PPARA: variants seen among roughly 807,000 people sequenced by gnomAD.
PPARA encodes the protein peroxisome proliferator-activated receptor alpha.
PPARA carries 22 observed loss-of-function variants against 42.2 expected under a neutral mutation model. The ratio of observed to expected loss-of-function variants is 0.52; its 90% CI spans 0.37 to 0.74. PPARA has a LOEUF of 0.74. Among genes scored for constraint, PPARA ranks in the 30% least tolerant of loss-of-function variants. The probability of loss-of-function intolerance (pLI) is 0.00; values close to 1 mark genes in which losing one functional copy is unlikely to be tolerated. For synonymous variants in PPARA, 242 were observed against 239.3 expected, an observed-to-expected ratio of 1.01 and a Z score of -0.10; for missense variants, 465 against 608.2, an observed-to-expected ratio of 0.76 and a Z score of 2.48.
In PPARA at chr22:46,232,812, CA is replaced by C. The variant is rs557070880; in HGVS notation, c.1159+584del. On this transcript the variant is annotated intron_variant, in intron 8 of 8. Coordinates refer to ENST00000407236, the MANE Select transcript of PPARA (RefSeq NM_005036.6). The surrounding 1 kb of genome is among the most constrained non-coding windows in gnomAD (Gnocchi z 5.3). ...GCAACATGGCAAGACCCCGTCTCTA[CA>C]AAAAAAAAAATAGAAAAAATTAGTC... 5.0e-4 allele frequency among the ~76,000 whole-genome samples: 68 copies of C among 136,858 alleles called. No homozygotes were observed. Among genetic ancestry groups the C allele is most frequent in the African/African-American group, 5.1e-4 (19 of 37,312 alleles). The allele number at this position is 136,858 out of a possible 152,430, so 89.8% of individuals were successfully genotyped here.
At chr22:46,215,425 G>A in intron 5 of PPARA, 92 bp downstream of exon 5, 2 of 1,540,980 alleles carry the variant, frequency 1.3e-6, no homozygotes, top group Non-Finnish European at 1.8e-6. Flanking sequence ...CTGAGAGATT[G>A]CAGAAAGTCC....
intron 4 of PPARA, among the ~76,000 whole-genome samples, chr22:46,209,372 A>G (rs1601754478): frequency 6.6e-6 from 1 of 152,238 alleles, no homozygotes; most frequent in East Asian, 1.9e-4. Context: ...GTTTTCATCA[A>G]ATTCAGAAGA....
rs1359297965 is a variant in PPARA, at chr22:46,182,157, A to T, written c.-43+5321A>T. On this transcript the variant is annotated intron_variant, in intron 3 of 8. Transcript: ENST00000407236. The surrounding 1 kb of genome is among the most constrained non-coding windows in gnomAD (Gnocchi z 5.2). The stretch of plus-strand genomic sequence containing the variant: ...CACCATGCCCAGCCAGCAGTTTCTT[A>T]TAAAGTTAAACCAATGCCTACCATG... Among the ~76,000 whole-genome samples the T allele has an allele frequency of 6.6e-6, 1 of 152,176 alleles. No homozygotes were observed. The highest frequency in any genetic ancestry group is 2.4e-5 in the African/African-American group (1 of 41,440).
intron 2 of PPARA, among the ~76,000 whole-genome samples, chr22:46,174,127 G>A (rs888998610): frequency 6.0e-5 from 9 of 151,178 alleles, no homozygotes; most frequent in Admixed American, 2.0e-4. Context: ...ACAGTGAGCC[G>A]AGATTGCACC....
intron 7 of PPARA, among the ~76,000 whole-genome samples, chr22:46,228,324 C>T (rs1222516705): frequency 1.3e-5 from 2 of 152,076 alleles, no homozygotes; most frequent in Non-Finnish European, 2.9e-5. Flanking sequence ...CACCTGAGGT[C>T]GGGAGTTTGA....
chr22:46,192,124 A>G lies in PPARA; in HGVS notation c.-42-6218A>G, dbSNP rs1931649340. 1.3e-5 allele frequency among the ~76,000 whole-genome samples: 2 copies of G among 152,224 alleles called. No individual in the cohort carries two copies. The highest frequency in any genetic ancestry group is 4.8e-5 in the African/African-American group (2 of 41,468). ...CCTGCTACACAGCAGGGATTGTGCTAGAAGTATGGATGCAAAGATTAGGTG... is the reference window on the plus strand; with the variant it reads ...CCTGCTACACAGCAGGGATTGTGCTGGAAGTATGGATGCAAAGATTAGGTG... On this transcript the variant is annotated intron_variant, in intron 3 of 8. Transcript: ENST00000407236. The surrounding 1 kb of genome is among the most constrained non-coding windows in gnomAD (Gnocchi z 4.3).
rs1176876021 is a variant in PPARA, at chr22:46,195,245, CAGTT to C, written c.-42-3089_-42-3086del. On this transcript the variant is annotated intron_variant, in intron 3 of 8. Transcript: ENST00000407236. The surrounding 1 kb of genome is among the most constrained non-coding windows in gnomAD (Gnocchi z 4.6). ...ATTGGGATGAACCTCATGGTTAATA[CAGTT>C]AGTTAGTGACTGCAACTTTTGAACT... Among the ~76,000 whole-genome samples the C allele has an allele frequency of 2.0e-5, 3 of 152,250 alleles. No individual in the cohort carries two copies. Among genetic ancestry groups the C allele is most frequent in the Admixed American group, 1.3e-4 (2 of 15,288 alleles).
In PPARA at chr22:46,236,486, C is replaced by G. The variant is rs1936209273; in HGVS notation, c.*1106C>G. On this transcript the variant is annotated 3_prime_UTR_variant, in exon 9 of 9. Coordinates refer to ENST00000407236, the MANE Select transcript of PPARA (RefSeq NM_005036.6). The surrounding 1 kb of genome is among the most constrained non-coding windows in gnomAD (Gnocchi z 5.2). ...AAGCCCGCCAGCTTCCTGCTCCACT[C>G]AGCTCCGTCCAGTCAACCTGAACCC... 6.5e-6 allele frequency: 1 copy of G among 152,710 alleles called. No homozygotes were observed. Among genetic ancestry groups the G allele is most frequent in the East Asian group, 1.9e-4 (1 of 5,190 alleles). The allele number at this position is 152,710 out of a possible 1,614,324, so 9.5% of individuals were successfully genotyped here. A position where few individuals can be genotyped will look rare whatever the true frequency, so the allele number is the denominator to read the frequency against.
In PPARA at chr22:46,236,757, G is replaced by A. The variant is rs984275616; in HGVS notation, c.*1377G>A. 2 of 152,512 alleles carry A rather than the reference G, an allele frequency of 1.3e-5. No individual in the cohort carries two copies. The highest frequency in any genetic ancestry group is 1.3e-4 in the Admixed American group (2 of 15,288). 9.4% of individuals were successfully genotyped at this position (152,512 alleles called of 1,614,324 possible). ...AGTCACCCTGCGGATCGAGAGAGGG[G>A]GTAGAGTCTTCTTCAAATGGCAGTT... is the stretch of plus-strand genomic sequence containing the variant. On this transcript the variant is annotated 3_prime_UTR_variant, in exon 9 of 9. Transcript: ENST00000407236. This position sits in a 1 kb window ranked among gnomAD's most constrained non-coding sequence, Gnocchi z 5.2.
rs962281301 is a variant in PPARA, at chr22:46,227,558, TA to T, written c.712-4232del. On this transcript the variant is annotated intron_variant, in intron 7 of 8. Transcript: ENST00000407236. The surrounding 1 kb of genome is among the most constrained non-coding windows in gnomAD (Gnocchi z 4.3). Reference sequence around the variant, plus strand: ...TGAGCTACTGCGCCTGGTCCACATTTAATTTTTTGCAAAAAGATGACAGCTG... The same window carrying T: ...TGAGCTACTGCGCCTGGTCCACATTTATTTTTTGCAAAAAGATGACAGCTG... Among the ~76,000 whole-genome samples, 23 of 152,194 alleles carry T rather than the reference TA, an allele frequency of 1.5e-4. No homozygotes were observed. The highest frequency in any genetic ancestry group is 5.5e-4 in the African/African-American group (23 of 41,456).
At chr22:46,228,048 T>C (rs1470813072) in intron 7 of PPARA, among the ~76,000 whole-genome samples, 2 of 152,248 alleles carry the variant, frequency 1.3e-5, no homozygotes, top group East Asian at 1.9e-4. Flanking sequence ...ACCAAAGTGA[T>C]AATTTTATAA....
intron 7 of PPARA, chr22:46,220,393 C>T (rs1209008528): frequency 3.1e-6 from 1 of 324,082 alleles, no homozygotes; most frequent in Admixed American, 4.5e-5. Context: ...TAGTTCACTG[C>T]AGCCTTGAAC....
chr22:46,214,299 G>C (rs1934227607), intron 4 of PPARA, among the ~76,000 whole-genome samples: 1 of 151,176 alleles, frequency 6.6e-6, no homozygotes, highest in Non-Finnish European at 1.5e-5. Flanking sequence ...GCGGGCCCGA[G>C]ATGTGCGGGT....
intron 3 of PPARA, among the ~76,000 whole-genome samples, chr22:46,186,419 G>T (rs1441195566): frequency 6.6e-6 from 1 of 152,112 alleles, no homozygotes; most frequent in African/African-American, 2.4e-5. Context: ...AGTTTGGGAA[G>T]ACCAGCCGGG....
chr22:46,203,349 G>A lies in PPARA; in HGVS notation c.208+4758G>A, dbSNP rs918116376. Among the ~76,000 whole-genome samples, 6 of 152,164 alleles carry A rather than the reference G, an allele frequency of 3.9e-5. No individual in the cohort carries two copies. Among genetic ancestry groups the A allele is most frequent in the Non-Finnish European group, 8.8e-5 (6 of 68,034 alleles). ...CTTTAAACTTTACACCCAGGAGACC[G>A]GATGGGTGAGGCTGGTTCACTCGGC... is the stretch of plus-strand genomic sequence containing the variant. On this transcript the variant is annotated intron_variant, in intron 4 of 8. Coordinates refer to ENST00000407236, the MANE Select transcript of PPARA (RefSeq NM_005036.6). The surrounding 1 kb of genome is among the most constrained non-coding windows in gnomAD (Gnocchi z 5.8).
Position 46,241,273 on chromosome 22 carries a change from C to T in PPARA, c.*5893C>T, listed in dbSNP as rs984532746. ...CATTCAGGAAAACGGTTATTGACCC[C>T]ATAGACTAGGGTAAGAATAAAGGCA... On this transcript the variant is annotated 3_prime_UTR_variant, in exon 9 of 9. Coordinates refer to ENST00000407236, the MANE Select transcript of PPARA (RefSeq NM_005036.6). The surrounding 1 kb of genome is among the most constrained non-coding windows in gnomAD (Gnocchi z 5.7). 2 of 152,180 alleles carry T rather than the reference C, an allele frequency of 1.3e-5. No homozygotes were observed. Among genetic ancestry groups the T allele is most frequent in the African/African-American group, 4.8e-5 (2 of 41,424 alleles). 9.4% of individuals were successfully genotyped at this position (152,180 alleles called of 1,614,324 possible).
rs1285659595 is a variant in PPARA at position 46,237,539 on chromosome 22, A to T, written c.*2159A>T. Reference sequence around the variant, plus strand: ...CTTGAACCCAGGAGGTCGAGGCTGCAGTGAGCTGTGATCTCACCACTGCAT... The same window carrying T: ...CTTGAACCCAGGAGGTCGAGGCTGCTGTGAGCTGTGATCTCACCACTGCAT... On this transcript the variant is annotated 3_prime_UTR_variant, in exon 9 of 9. Transcript: ENST00000407236. This position sits in a 1 kb window ranked among gnomAD's most constrained non-coding sequence, Gnocchi z 6.7. The T allele has an allele frequency of 6.6e-6, 1 of 152,152 alleles. No individual in the cohort carries two copies. Among genetic ancestry groups the T allele is most frequent in the African/African-American group, 2.4e-5 (1 of 41,302 alleles). 9.4% of individuals were successfully genotyped at this position (152,152 alleles called of 1,614,324 possible).
Position 46,156,122 on chromosome 22 carries a change from C to T in PPARA, c.-127+4152C>T, listed in dbSNP as rs1013636835. On this transcript the variant is annotated intron_variant, in intron 2 of 8. Transcript: ENST00000407236. This position sits in a 1 kb window ranked among gnomAD's most constrained non-coding sequence, Gnocchi z 5.2. ...TGAGCTGCGTTGGTTTTGAGGCTCA[C>T]ATATGGTAAAAGTGGTTGGAAATCT... is the stretch of plus-strand genomic sequence containing the variant. 1 of 152,234 alleles carries T rather than the reference C, an allele frequency of 6.6e-6. No homozygotes were observed. Among genetic ancestry groups the T allele is most frequent in the Non-Finnish European group, 1.5e-5 (1 of 68,050 alleles). The allele number at this position is 152,234 out of a possible 1,614,324, so 9.4% of individuals were successfully genotyped here. A position where few individuals can be genotyped will look rare whatever the true frequency, so the allele number is the denominator to read the frequency against.
In PPARA at chr22:46,195,728, A is replaced by C. The variant is rs1932149789; in HGVS notation, c.-42-2614A>C. Among the ~76,000 whole-genome samples, 1 of 152,112 alleles carries C rather than the reference A, an allele frequency of 6.6e-6. No individual in the cohort carries two copies. The highest frequency in any genetic ancestry group is 1.5e-5 in the Non-Finnish European group (1 of 68,032). On this transcript the variant is annotated intron_variant, in intron 3 of 8. Coordinates refer to ENST00000407236, the MANE Select transcript of PPARA (RefSeq NM_005036.6). The surrounding 1 kb of genome is among the most constrained non-coding windows in gnomAD (Gnocchi z 4.6). ...GCTTTGGGACGGTATTCTTTACTCT[A>C]TCTGGAGAGTCTGGCGTTCCGTAAT...
Sources: allele counts gnomAD v4.1 joint callset (sites outside exome capture counted in the v4.1 genomes callset), GRCh38; gene constraint gnomAD v4.1.1; non-coding constraint Gnocchi (gnomAD v3.1); transcripts MANE v1.5; gene names NCBI Gene and HGNC (gene_info 2026-07-23, HGNC 2026-07-21).